The following GRK3 variants were observed in gnomAD, a reference collection of about 807,000 sequenced individuals.
The protein encoded by GRK3 is G protein-coupled receptor kinase 3.
Under a neutral mutation model 95.7 loss-of-function variants are expected in GRK3, and 54 were observed. The observed-to-expected ratio is 0.56, with a 90% confidence interval of 0.45 to 0.71. The LOEUF is 0.71. Among genes scored for constraint, GRK3 ranks in the 30% least tolerant of loss-of-function variants. The probability of loss-of-function intolerance (pLI) is 0.00; values close to 1 mark genes in which losing one functional copy is unlikely to be tolerated. For synonymous variants in GRK3, 281 were observed against 290.8 expected, an observed-to-expected ratio of 0.97 and a Z score of 0.34; for missense variants, 649 against 851.2, an observed-to-expected ratio of 0.76 and a Z score of 2.96.
chr22:25,702,846 A>G (rs1482420306), intron 13 of GRK3: 1 of 456,088 alleles, frequency 2.2e-6, no homozygotes, highest in South Asian at 1.5e-5. Flanking sequence ...TTACAGATGA[A>G]GAATTGATAC....
At chr22:25,573,934 A>T (rs909153155) in intron 1 of GRK3, among the ~76,000 whole-genome samples, 5 of 152,010 alleles carry the variant, frequency 3.3e-5, no homozygotes, top group Non-Finnish European at 5.9e-5. Context: ...CAACCAACCA[A>T]CCAACCAACC....
intron 2 of GRK3, among the ~76,000 whole-genome samples, chr22:25,623,372 T>C (rs2084601532): frequency 6.6e-6 from 1 of 152,234 alleles, no homozygotes. Context: ...TGTAAGCCCC[T>C]GCCTTTGGCT....
chr22:25,617,159 A>G (rs1182332783), intron 2 of GRK3, among the ~76,000 whole-genome samples: 2 of 152,126 alleles, frequency 1.3e-5, no homozygotes, highest in Non-Finnish European at 2.9e-5. Context: ...CGATGCACTT[A>G]CTCTCCAAAG....
intron 1 of GRK3, among the ~76,000 whole-genome samples, chr22:25,582,671 G>A (rs567944614): frequency 6.6e-6 from 1 of 152,280 alleles, no homozygotes; most frequent in Non-Finnish European, 1.5e-5. Context: ...GTATAGATGT[G>A]TACACATATC....
chr22:25,674,817 C>T (rs573984466), intron 8 of GRK3, among the ~76,000 whole-genome samples: 8 of 152,180 alleles, frequency 5.3e-5, no homozygotes, highest in South Asian at 2.1e-4. Flanking sequence ...GGCGCAGTGG[C>T]GGGCGCCTAT....
intron 3 of GRK3, among the ~76,000 whole-genome samples, chr22:25,658,611 G>T (rs772635442): frequency 2.0e-5 from 3 of 152,058 alleles, no homozygotes; most frequent in Non-Finnish European, 4.4e-5. Flanking sequence ...AGTGCTTATT[G>T]TCTATGTGTC....
At chr22:25,583,557 T>C (rs1383153770) in intron 1 of GRK3, among the ~76,000 whole-genome samples, 1 of 152,042 alleles carries the variant, frequency 6.6e-6, no homozygotes, top group Non-Finnish European at 1.5e-5. Flanking sequence ...GTCTGTGTCC[T>C]CTCCTGTCAC....
chr22:25,648,850 G>T, intron 3 of GRK3: 2 of 1,046,428 alleles, frequency 1.9e-6, no homozygotes, highest in African/African-American at 1.6e-5. Context: ...GCAGATTTTG[G>T]TTTAGCAAGG....
rs544093860 is a variant in GRK3, at chr22:25,719,620, A to G, written c.1791+1239A>G. Among the ~76,000 whole-genome samples, 8 of 146,290 alleles carry G rather than the reference A, an allele frequency of 5.5e-5. 1 individual carries two copies. The highest frequency in any genetic ancestry group is 1.8e-4 in the African/African-American group (7 of 39,598). On this transcript the variant is annotated intron_variant, in intron 19 of 20. Coordinates refer to ENST00000324198, the MANE Select transcript of GRK3 (RefSeq NM_005160.4). Reference sequence around the variant, plus strand: ...ATCAGGCAGCATTTATTAAGTGCCTACTGGGTGAAGAGCCCAGGGCTTGTC... The same window carrying G: ...ATCAGGCAGCATTTATTAAGTGCCTGCTGGGTGAAGAGCCCAGGGCTTGTC...
chr22:25,635,073 T>C (rs1446916736), intron 2 of GRK3, among the ~76,000 whole-genome samples: 1 of 152,232 alleles, frequency 6.6e-6, no homozygotes. Flanking sequence ...TGGCTTTGAA[T>C]GTGGCCCCAC....
At chr22:25,677,377 T>TG (rs2085038610) in intron 8 of GRK3, among the ~76,000 whole-genome samples, 1 of 42,552 alleles carries the variant, frequency 2.4e-5, no homozygotes, top group African/African-American at 1.0e-4. Flanking sequence ...CCCCATATCT[T>TG]AAAAAAAAAA....
At position 25,679,831 on chromosome 22, in the gene GRK3, T is replaced by C. The variant is rs146149789; in HGVS notation, c.747+916T>C. On this transcript the variant is annotated intron_variant, in intron 9 of 20. Transcript: ENST00000324198. ...ACCGTAGATACTCCAGCCAGGAAGG[T>C]TTATATTCAGTGAGAAATGTGCGAG... 3.7e-3 allele frequency among the ~76,000 whole-genome samples: 569 copies of C among 152,278 alleles called. 3 individuals are homozygous for C. Among genetic ancestry groups the C allele is most frequent in the Non-Finnish European group, 7.0e-3 (475 of 68,024 alleles).
intron 6 of GRK3, 106 bp downstream of exon 6, chr22:25,667,906 T>C (rs2084953195): frequency 1.5e-6 from 1 of 672,468 alleles, no homozygotes; most frequent in South Asian, 1.8e-5. Context: ...ATTTAGCAAG[T>C]ATTCACTGAC....
At chr22:25,666,587 C>G (rs2084943291) in intron 5 of GRK3, among the ~76,000 whole-genome samples, 1 of 152,132 alleles carries the variant, frequency 6.6e-6, no homozygotes, top group African/African-American at 2.4e-5. Flanking sequence ...CACCACCGCC[C>G]CCTATCCCGC....
intron 18 of GRK3, among the ~76,000 whole-genome samples, chr22:25,717,296 T>G (rs1295082359): frequency 6.6e-6 from 1 of 152,184 alleles, no homozygotes; most frequent in African/African-American, 2.4e-5. Flanking sequence ...TGTGCTCGTA[T>G]TTTAAACAGA....
intron 1 of GRK3, among the ~76,000 whole-genome samples, chr22:25,591,725 C>T (rs1932498804): frequency 1.3e-5 from 2 of 152,128 alleles, no homozygotes; most frequent in South Asian, 4.1e-4. Context: ...TTGCTCCTGC[C>T]TCTTTGTAAT....
chr22:25,602,088 C>T (rs1374046015), intron 1 of GRK3, among the ~76,000 whole-genome samples: 1 of 152,168 alleles, frequency 6.6e-6, no homozygotes, highest in Non-Finnish European at 1.5e-5. Flanking sequence ...TGACATAGGA[C>T]TTATTTCTGG....
intron 3 of GRK3, among the ~76,000 whole-genome samples, chr22:25,645,188 C>T (rs1464331747): frequency 6.6e-6 from 1 of 152,070 alleles, no homozygotes; most frequent in Non-Finnish European, 1.5e-5. Context: ...CCAGAAACTT[C>T]CAGAAGGCAC....
At chr22:25,565,607 A>G (rs113778422) in intron 1 of GRK3, among the ~76,000 whole-genome samples, 3,705 of 150,890 alleles carry the variant, frequency 0.025, 49 homozygotes, top group East Asian at 0.046. Flanking sequence ...CCCCTTTCCA[A>G]CTCCATCCTC....
Sources: allele counts gnomAD v4.1 joint callset (sites outside exome capture counted in the v4.1 genomes callset), GRCh38; gene constraint gnomAD v4.1.1; transcripts MANE v1.5; gene names NCBI Gene and HGNC (gene_info 2026-07-23, HGNC 2026-07-21).